GSAP: variants seen among roughly 807,000 people sequenced by gnomAD.
GSAP encodes gamma-secretase activating protein.
In GSAP, 118 loss-of-function variants were observed where a neutral mutation model predicts 131.7. The ratio of observed to expected loss-of-function variants is 0.90; its 90% CI spans 0.77 to 1.04. The LOEUF (loss-of-function observed/expected upper bound fraction) is 1.04, where lower values mean the gene tolerates loss of function less well. Ranked by LOEUF, GSAP falls within the 50% of genes least tolerant of loss-of-function variation. The pLI, the probability that GSAP is intolerant of heterozygous loss-of-function variation, is 0.00. For synonymous variants in GSAP, 381 were observed against 363.4 expected (o/e 1.05, Z -0.55); for missense variants, 1,019 against 1,013.2 (o/e 1.01, Z -0.08).
chr7:77,329,193 T>C, intron 21 of GSAP, 140 bp downstream of exon 21: 1 of 488,304 alleles, frequency 2.0e-6, no homozygotes, highest in Non-Finnish European at 3.6e-6. Flanking sequence ...TCCAAGTGGC[T>C]GCATTCATGA....
chr7:77,403,920 C>T (rs1801811072), intron 3 of GSAP, among the ~76,000 whole-genome samples: 2 of 152,088 alleles, frequency 1.3e-5, no homozygotes, highest in African/African-American at 4.8e-5. Flanking sequence ...TATTCCCACT[C>T]CTAGATACAC....
intron 14 of GSAP, among the ~76,000 whole-genome samples, chr7:77,357,615 CAGCTG>C (rs1474320909): frequency 6.6e-6 from 1 of 152,138 alleles, no homozygotes; most frequent in African/African-American, 2.4e-5. Context: ...ACACTAATAA[CAGCTG>C]ATAGCTAAAA....
At chr7:77,402,410 A>AT (rs201433816) in intron 3 of GSAP, among the ~76,000 whole-genome samples, 2,152 of 121,558 alleles carry the variant, frequency 0.018, 41 homozygotes, top group African/African-American at 0.042. Context: ...AAGAAAAAAA[A>AT]AATATATATA....
chr7:77,371,060 G>A (rs1796045412), intron 12 of GSAP, among the ~76,000 whole-genome samples: 1 of 151,912 alleles, frequency 6.6e-6, no homozygotes, highest in South Asian at 2.1e-4. Flanking sequence ...GCCTTCAAAT[G>A]CCAGCTATAG....
chr7:77,336,111 AAT>A (rs1789937598), intron 19 of GSAP, among the ~76,000 whole-genome samples: 1 of 152,218 alleles, frequency 6.6e-6, no homozygotes, highest in African/African-American at 2.4e-5. Flanking sequence ...CTTCTTCCCC[AAT>A]ATCTAGCAAA....
chr7:77,404,614 T>A lies in GSAP; in HGVS notation c.188A>T (p.Asp63Val). ...RNGNIIYTYK[D>V]DKGNVVFGLY... ...TCCAAAGACGACATTTCCCTTATCA[T>A]CCTAAAAAAAATTAACCAGATGTTT... Residue 63 changes from aspartate to valine, a missense_variant and splice_region_variant, in exon 3 of 31, where the codon GAT (aspartate) becomes GTT (valine). Physicochemically the swap from Asp to Val is radical, Grantham distance 152. Transcript: ENST00000257626. 6.5e-7 allele frequency: 1 copy of A among 1,528,630 alleles called. No individual in the cohort carries two copies. Among genetic ancestry groups the A allele is most frequent in the Non-Finnish European group, 9.0e-7 (1 of 1,105,734 alleles). 94.7% of individuals were successfully genotyped at this position (1,528,630 alleles called of 1,614,324 possible). A position where few individuals can be genotyped will look rare whatever the true frequency, so the allele number is the denominator to read the frequency against.
chr7:77,397,258 T>A, intron 4 of GSAP, 88 bp downstream of exon 4: 1 of 862,932 alleles, frequency 1.2e-6, no homozygotes, highest in Non-Finnish European at 1.9e-6. Context: ...TGTTATAGAA[T>A]AATTTAATAC....
At chr7:77,376,125 G>T (rs1211748766) in intron 10 of GSAP, among the ~76,000 whole-genome samples, 3 of 151,978 alleles carry the variant, frequency 2.0e-5, no homozygotes, top group Non-Finnish European at 4.4e-5. Context: ...AAGTCCTTTT[G>T]GGTCAAATAA....
At chr7:77,381,416 G>C (rs964628957) in intron 7 of GSAP, 62 bp from the exon 8 acceptor site, 8 of 807,538 alleles carry the variant, frequency 9.9e-6, no homozygotes, top group African/African-American at 9.0e-5. Flanking sequence ...TACTATTTTT[G>C]CCTAACTCTT....
At chr7:77,353,835 A>G in intron 16 of GSAP, 194 bp from the exon 17 acceptor site, 1 of 474,140 alleles carries the variant, frequency 2.1e-6, no homozygotes, top group Non-Finnish European at 3.7e-6. Flanking sequence ...TTTATAAGTG[A>G]GATCCTTTTT....
At chr7:77,405,219 G>A (rs1341369199) in intron 2 of GSAP, among the ~76,000 whole-genome samples, 1 of 152,200 alleles carries the variant, frequency 6.6e-6, no homozygotes, top group Admixed American at 6.5e-5. Context: ...GAACCTACTT[G>A]AGCCCATGAG....
intron 13 of GSAP, among the ~76,000 whole-genome samples, chr7:77,361,315 G>A (rs913143256): frequency 6.6e-6 from 1 of 152,208 alleles, no homozygotes; most frequent in Non-Finnish European, 1.5e-5. Context: ...CTTTTAGGTA[G>A]GAAGGGAATT....
At chr7:77,399,105 CTGTGTGAATT>C (rs1026786956) in intron 3 of GSAP, among the ~76,000 whole-genome samples, 13 of 152,118 alleles carry the variant, frequency 8.5e-5, no homozygotes, top group Non-Finnish European at 1.5e-4. Flanking sequence ...TTACATAAAC[CTGTGTGAATT>C]TGTGCAGATA....
chr7:77,404,552 T>C lies in GSAP; in HGVS notation c.243+7A>G, dbSNP rs1275149314. 2.0e-6 allele frequency: 3 copies of C among 1,497,036 alleles called. No individual in the cohort carries two copies. The Admixed American group carries it at 5.1e-5, about 25-fold the overall frequency. The allele number at this position is 1,497,036 out of a possible 1,614,324, so 92.7% of individuals were successfully genotyped here. A position where few individuals can be genotyped will look rare whatever the true frequency, so the allele number is the denominator to read the frequency against. On this transcript the variant is annotated splice_region_variant and intron_variant, in intron 3 of 30. Transcript: ENST00000257626. ...AAAGTAACCAATGAGTAATCTATGA[T>C]TTTTACCTCATTTTGTCTGGTTTGA...
chr7:77,365,545 C>A lies in GSAP; in HGVS notation c.872-2885G>T, dbSNP rs904488549. Among the ~76,000 whole-genome samples the A allele has an allele frequency of 2.6e-5, 4 of 152,190 alleles. No homozygotes were observed. The South Asian group carries it at 6.2e-4, about 24-fold the overall frequency. On this transcript the variant is annotated intron_variant, in intron 12 of 30. Coordinates refer to ENST00000257626, the MANE Select transcript of GSAP (RefSeq NM_017439.4). ...AATAGCCTCTATCTCCATCCATGTT[C>A]CCACAAAAGACATGATCTCATTCTT...
intron 3 of GSAP, among the ~76,000 whole-genome samples, chr7:77,400,492 C>T (rs1371473735): frequency 6.6e-6 from 1 of 152,170 alleles, no homozygotes; most frequent in Non-Finnish European, 1.5e-5. Flanking sequence ...CTAGCCATAA[C>T]AAGACACTTC....
chr7:77,312,115 T>G lies in GSAP; in HGVS notation c.2359A>C (p.Asn787His). Residue 787 changes from asparagine to histidine, a missense_variant, in exon 29 of 31, where the codon AAC (asparagine) becomes CAC (histidine). Asn to His is a moderately conservative substitution (Grantham distance 68). Transcript: ENST00000257626. ...SRNHVTRLLQ[N>H]YKKQPRNSMI... The stretch of plus-strand genomic sequence containing the variant: ...GAGAAACTCACCTGTTTCTTATAGT[T>G]CTGAAGCAGTCGCGTCACGTGGTTC... 1 of 1,594,712 alleles carries G rather than the reference T, an allele frequency of 6.3e-7. No individual in the cohort carries two copies. Among genetic ancestry groups the G allele is most frequent in the Non-Finnish European group, 8.5e-7 (1 of 1,169,788 alleles).
At chr7:77,380,485 C>G (rs1797627525) in intron 8 of GSAP, among the ~76,000 whole-genome samples, 2 of 151,890 alleles carry the variant, frequency 1.3e-5, no homozygotes, top group African/African-American at 2.4e-5. Flanking sequence ...AAAGCAAAAC[C>G]AAAAAACTGG....
intron 1 of GSAP, 65 bp downstream of exon 1, chr7:77,416,148 G>T: frequency 1.0e-6 from 1 of 964,120 alleles, no homozygotes; most frequent in Non-Finnish European, 1.4e-6. Flanking sequence ...CCGGGTCGGA[G>T]TCCGGGGGGT....
Sources: gnomAD v4.1 joint callset for allele counts (sites outside exome capture counted in the v4.1 genomes callset) on GRCh38, gnomAD v4.1.1 for gene constraint, MANE v1.5 for transcripts, NCBI Gene and HGNC (gene_info 2026-07-23, HGNC 2026-07-21) for gene names.